Variants in SPOP observed in about 807,000 individuals in gnomAD.
SPOP encodes the protein speckle type BTB/POZ protein.
SPOP carries 11 observed loss-of-function variants against 45.6 expected under a neutral mutation model. That is an observed-to-expected ratio of 0.24 (90% CI 0.15 to 0.40). SPOP has a LOEUF of 0.40. Ranked by LOEUF, SPOP falls within the 10% of genes least tolerant of loss-of-function variation. The pLI is 1.00. For missense variants in SPOP, 152 were observed against 465.6 expected (o/e 0.33, Z 6.20); for synonymous variants, 166 against 166.3 (o/e 1.00, Z 0.01).
chr17:49,600,035 C>T lies in SPOP; in HGVS notation c.*343G>A, dbSNP rs2071711135. On this transcript the variant is annotated 3_prime_UTR_variant, in exon 10 of 10. Coordinates refer to ENST00000504102, the MANE Select transcript of SPOP (RefSeq NM_001007228.2). The surrounding 1 kb of genome is among the most constrained non-coding windows in gnomAD (Gnocchi z 4.2). ...TTTTTTTTCCTTTTTGCTCCAGGCACCTGACGATTTGTTCTGCTCAGTCAG... is the reference window on the plus strand; with the variant it reads ...TTTTTTTTCCTTTTTGCTCCAGGCATCTGACGATTTGTTCTGCTCAGTCAG... The T allele has an allele frequency of 3.9e-6, 1 of 256,462 alleles. No individual in the cohort carries two copies. The highest frequency in any genetic ancestry group is 2.2e-5 in the African/African-American group (1 of 45,780). 15.9% of individuals were successfully genotyped at this position (256,462 alleles called of 1,614,324 possible).
intron 9 of SPOP, chr17:49,601,196 C>T (rs2071733039): frequency 6.6e-6 from 1 of 152,632 alleles, no homozygotes; most frequent in African/African-American, 2.4e-5. Flanking sequence ...TGTCCTGCCC[C>T]AGAACTGCTG....
intron 1 of SPOP, among the ~76,000 whole-genome samples, chr17:49,661,586 C>A (rs2072988256): frequency 1.3e-5 from 2 of 152,190 alleles, no homozygotes; most frequent in Admixed American, 1.3e-4. Context: ...ACATATAATA[C>A]TGCTTTAATC....
At chr17:49,677,404 T>A (rs2073213549) in intron 1 of SPOP, among the ~76,000 whole-genome samples, 1 of 152,222 alleles carries the variant, frequency 6.6e-6, no homozygotes. Context: ...ATGAGAATAG[T>A]GCTTTGTCCG....
chr17:49,605,296 A>G (rs1482679409), intron 8 of SPOP, among the ~76,000 whole-genome samples: 2 of 152,376 alleles, frequency 1.3e-5, no homozygotes, highest in East Asian at 3.9e-4. Flanking sequence ...TAACCAGGAC[A>G]CTAGGTAAAA....
chr17:49,666,901 G>T (rs1443995250), intron 1 of SPOP, among the ~76,000 whole-genome samples: 4 of 152,166 alleles, frequency 2.6e-5, no homozygotes, highest in African/African-American at 4.8e-5. Flanking sequence ...TTAAAGGGCT[G>T]GGCGTGGTGG....
At chr17:49,622,207 T>C in intron 2 of SPOP, 140 bp from the exon 3 acceptor site, 1 of 1,069,176 alleles carries the variant, frequency 9.4e-7, no homozygotes, top group Non-Finnish European at 1.4e-6. Flanking sequence ...TTTTCTCACC[T>C]TATGTTCCTC....
intron 1 of SPOP, among the ~76,000 whole-genome samples, chr17:49,643,974 A>T (rs2072707893): frequency 6.6e-6 from 1 of 152,002 alleles, no homozygotes; most frequent in African/African-American, 2.4e-5. Flanking sequence ...GTTAAAAAGT[A>T]GTAAAAGAAA....
intron 1 of SPOP, among the ~76,000 whole-genome samples, chr17:49,667,779 G>A (rs1014030870): frequency 6.6e-5 from 10 of 152,072 alleles, no homozygotes; most frequent in African/African-American, 1.7e-4. Flanking sequence ...GCAGGGTCTC[G>A]AAAAGATGTT....
intron 1 of SPOP, among the ~76,000 whole-genome samples, chr17:49,627,511 A>C (rs2072359316): frequency 1.3e-5 from 2 of 152,206 alleles, no homozygotes; most frequent in South Asian, 2.1e-4. Flanking sequence ...AGTTAAGAAC[A>C]AAAAATTTGG....
chr17:49,663,068 C>T (rs2073009601), intron 1 of SPOP, among the ~76,000 whole-genome samples: 1 of 152,244 alleles, frequency 6.6e-6, no homozygotes, highest in African/African-American at 2.4e-5. Context: ...CTGCTGGTGC[C>T]TTAGCACAGG....
intron 5 of SPOP, chr17:49,612,921 G>A (rs1482802157): frequency 1.3e-5 from 2 of 152,164 alleles, no homozygotes; most frequent in Non-Finnish European, 2.9e-5. Flanking sequence ...CAGAGGCAAA[G>A]TTAATGACCT....
chr17:49,665,595 C>CAGAACA (rs1418494658), intron 1 of SPOP, among the ~76,000 whole-genome samples: 5 of 148,334 alleles, frequency 3.4e-5, no homozygotes, highest in Non-Finnish European at 5.9e-5. Context: ...AGCCTGGTGA[C>CAGAACA]AGAACAAGAC....
chr17:49,607,457 TGAGGA>T, intron 7 of SPOP, 85 bp from the exon 8 acceptor site: 2 of 1,500,578 alleles, frequency 1.3e-6, no homozygotes, highest in Non-Finnish European at 1.8e-6. Context: ...TAAGCTCTAG[TGAGGA>T]GAGAACTTTG....
chr17:49,610,164 G>A lies in SPOP; in HGVS notation c.658+1116C>T, dbSNP rs144132642. 1.2e-4 allele frequency among the ~76,000 whole-genome samples: 18 copies of A among 152,298 alleles called. No homozygotes were observed. In the East Asian group the frequency reaches 3.5e-3, roughly 29 times the overall value. On this transcript the variant is annotated intron_variant, in intron 6 of 9. Transcript: ENST00000504102. ...CTGTAGAAAAACTATTGGCAGTGTT[G>A]AGGGCCTAGCTAAGTGTGGAGACAC...
intron 7 of SPOP, 91 bp from the exon 8 acceptor site, chr17:49,607,463 G>T: frequency 6.8e-7 from 1 of 1,474,044 alleles, no homozygotes; most frequent in Non-Finnish European, 9.0e-7. Context: ...CTAGTGAGGA[G>T]AGAACTTTGT....
At chr17:49,665,937 C>T (rs1312557884) in intron 1 of SPOP, among the ~76,000 whole-genome samples, 7 of 150,410 alleles carry the variant, frequency 4.7e-5, no homozygotes, top group Non-Finnish European at 4.4e-5. Flanking sequence ...TGAGATAGCG[C>T]CACTGCACTC....
chr17:49,616,077 C>G (rs753095974), intron 5 of SPOP, among the ~76,000 whole-genome samples: 2 of 152,174 alleles, frequency 1.3e-5, no homozygotes, highest in African/African-American at 2.4e-5. Flanking sequence ...TCAGTGTCTA[C>G]AGTCATATCA....
At chr17:49,617,881 G>T (rs139105523) in intron 5 of SPOP, among the ~76,000 whole-genome samples, 1 of 142,240 alleles carries the variant, frequency 7.0e-6, no homozygotes, top group South Asian at 2.2e-4. Context: ...CCAAGGTTGC[G>T]CCACTGCACT....
chr17:49,667,997 ACT>A (rs1293054262), intron 1 of SPOP: 3 of 152,186 alleles, frequency 2.0e-5, no homozygotes, highest in Non-Finnish European at 4.4e-5. Flanking sequence ...AAATAGACAA[ACT>A]CTGTATAATT....
Sources: allele counts gnomAD v4.1 joint callset (sites outside exome capture counted in the v4.1 genomes callset), GRCh38; gene constraint gnomAD v4.1.1; non-coding constraint Gnocchi (gnomAD v3.1); transcripts MANE v1.5; gene names NCBI Gene and HGNC (gene_info 2026-07-23, HGNC 2026-07-21).